Variants in ME1 observed in about 807,000 individuals in gnomAD.
ME1 encodes the protein malic enzyme 1.
In ME1, 74 loss-of-function variants were observed where a neutral mutation model predicts 66.4. The observed-to-expected ratio is 1.11, with a 90% CI of 0.92 to 1.35. The LOEUF is 1.35. Ranked by LOEUF, ME1 falls within the 40% of genes most tolerant of loss-of-function variation. The pLI is 0.00. For synonymous variants in ME1, 251 were observed against 235.6 expected, an observed-to-expected ratio of 1.07 and a Z score of -0.60; for missense variants, 750 against 694.1, an observed-to-expected ratio of 1.08 and a Z score of -0.90.
At chr6:83,387,234 G>C (rs1012862197) in intron 3 of ME1, among the ~76,000 whole-genome samples, 6 of 151,996 alleles carry the variant, frequency 3.9e-5, no homozygotes, top group African/African-American at 1.5e-4. Context: ...TTTAAAACTA[G>C]AGAAAATTTA....
Position 83,356,354 on chromosome 6 carries a change from A to G in ME1, c.363-4215T>C, listed in dbSNP as rs148399931. ...TTAGTGAGCCCTGTGAGTTAAGCCAACGCTGAGTTATATACCAAAGATCTG... is the reference window on the plus strand; with the variant it reads ...TTAGTGAGCCCTGTGAGTTAAGCCAGCGCTGAGTTATATACCAAAGATCTG... On this transcript the variant is annotated intron_variant, in intron 3 of 13. Coordinates refer to ENST00000369705, the MANE Select transcript of ME1 (RefSeq NM_002395.6). 3.3e-5 allele frequency among the ~76,000 whole-genome samples: 5 copies of G among 152,280 alleles called. No homozygotes were observed. The East Asian group carries it at 5.8e-4, about 18-fold the overall frequency.
rs919177162 is a variant in ME1 at position 83,211,667 on chromosome 6, G to A, written c.*257C>T. The stretch of plus-strand genomic sequence containing the variant: ...AAAATGATGAGTTTCTCCGTAGTAC[G>A]TACAACAGCTTTTAAAGAGAACGTA... On this transcript the variant is annotated 3_prime_UTR_variant, in exon 14 of 14. Coordinates refer to ENST00000369705, the MANE Select transcript of ME1 (RefSeq NM_002395.6). 2.3e-5 allele frequency: 6 copies of A among 260,594 alleles called. No homozygotes were observed. The highest frequency in any genetic ancestry group is 7.0e-5 in the East Asian group (1 of 14,226). 16.1% of individuals were successfully genotyped at this position (260,594 alleles called of 1,614,324 possible).
intron 9 of ME1, among the ~76,000 whole-genome samples, chr6:83,231,921 A>T (rs1477640280): frequency 1.3e-5 from 2 of 151,884 alleles, no homozygotes; most frequent in Non-Finnish European, 2.9e-5. Context: ...TATTACTTTA[A>T]TCTCCCCTAT....
chr6:83,234,412 T>A (rs1258187891), intron 9 of ME1, among the ~76,000 whole-genome samples: 2 of 152,140 alleles, frequency 1.3e-5, no homozygotes, highest in East Asian at 1.9e-4. Context: ...GACATCTCTG[T>A]CTGAGGTCTC....
At chr6:83,281,338 A>T (rs780779065) in intron 6 of ME1, among the ~76,000 whole-genome samples, 17 of 152,240 alleles carry the variant, frequency 1.1e-4, no homozygotes, top group Non-Finnish European at 1.9e-4. Context: ...AAAAACAACA[A>T]TTACTACTAA....
intron 5 of ME1, among the ~76,000 whole-genome samples, chr6:83,328,040 A>G (rs555539093): frequency 3.0e-4 from 45 of 152,364 alleles, no homozygotes; most frequent in Admixed American, 2.6e-3. Flanking sequence ...AGCACTGTTC[A>G]CAACAGCAAA....
intron 1 of ME1, among the ~76,000 whole-genome samples, chr6:83,425,095 C>A (rs1489556261): frequency 1.3e-5 from 2 of 152,096 alleles, no homozygotes; most frequent in East Asian, 3.9e-4. Context: ...CTCACTGTGG[C>A]CTCCCACCTC....
intron 3 of ME1, among the ~76,000 whole-genome samples, chr6:83,386,101 A>G (rs1234695290): frequency 2.6e-5 from 4 of 151,954 alleles, no homozygotes; most frequent in Non-Finnish European, 4.4e-5. Flanking sequence ...GTTTCAAGGG[A>G]AATGAAATAA....
At chr6:83,253,879 TATA>T in intron 6 of ME1, 141 bp from the exon 7 acceptor site, 1 of 522,258 alleles carries the variant, frequency 1.9e-6, no homozygotes, top group East Asian at 2.9e-5. Flanking sequence ...AAATATGTAA[TATA>T]ATATCTGTTC....
chr6:83,352,420 A>G (rs1768819972), intron 3 of ME1, among the ~76,000 whole-genome samples: 2 of 152,170 alleles, frequency 1.3e-5, no homozygotes, highest in African/African-American at 4.8e-5. Flanking sequence ...ATTTTTATGT[A>G]CAGAGAATTT....
At chr6:83,404,263 T>C (rs1410400987) in intron 2 of ME1, among the ~76,000 whole-genome samples, 1 of 140,002 alleles carries the variant, frequency 7.1e-6, no homozygotes, top group East Asian at 2.0e-4. Context: ...CCAGTGATGA[T>C]GAGTTTTTTT....
chr6:83,286,567 T>G lies in ME1; in HGVS notation c.704+28743A>C, dbSNP rs76071523. On this transcript the variant is annotated intron_variant, in intron 6 of 13. Transcript: ENST00000369705. Reference sequence around the variant, plus strand: ...ATATTGAGAAACAATGAGTTCAAATTAAGTTACCTTCTCATAATATCTAAA... The same window carrying G: ...ATATTGAGAAACAATGAGTTCAAATGAAGTTACCTTCTCATAATATCTAAA... Among the ~76,000 whole-genome samples the G allele has an allele frequency of 4.2e-3, 643 of 152,264 alleles. 3 individuals are homozygous for G. Among genetic ancestry groups the G allele is most frequent in the African/African-American group, 0.015 (604 of 41,576 alleles).
At chr6:83,354,035 C>T (rs1768843862) in intron 3 of ME1, among the ~76,000 whole-genome samples, 1 of 152,154 alleles carries the variant, frequency 6.6e-6, no homozygotes, top group South Asian at 2.1e-4. Context: ...GCTGCCTCCT[C>T]CTCCTCTCTG....
intron 3 of ME1, among the ~76,000 whole-genome samples, chr6:83,377,357 C>G (rs1430833269): frequency 2.0e-5 from 3 of 151,984 alleles, no homozygotes; most frequent in Non-Finnish European, 4.4e-5. Flanking sequence ...TGGCACATGA[C>G]TTGGAAACAG....
chr6:83,275,784 T>C (rs1767169247), intron 6 of ME1, among the ~76,000 whole-genome samples: 1 of 117,766 alleles, frequency 8.5e-6, no homozygotes, highest in Non-Finnish European at 1.8e-5. Flanking sequence ...TTTTTTTTTT[T>C]TTTTTTGTGA....
chr6:83,283,442 G>A (rs2128533521), intron 6 of ME1, among the ~76,000 whole-genome samples: 1 of 151,750 alleles, frequency 6.6e-6, no homozygotes, highest in East Asian at 1.9e-4. Context: ...GAAAGGAGAG[G>A]GAGAGCATTA....
chr6:83,280,882 C>A (rs1227808155), intron 6 of ME1, among the ~76,000 whole-genome samples: 1 of 152,096 alleles, frequency 6.6e-6, no homozygotes, highest in Non-Finnish European at 1.5e-5. Flanking sequence ...GGCAAATAGT[C>A]AATATTTGTT....
intron 6 of ME1, among the ~76,000 whole-genome samples, chr6:83,280,488 A>G: frequency 6.6e-6 from 1 of 152,196 alleles, no homozygotes; most frequent in Non-Finnish European, 1.5e-5. Context: ...CAAGTATATA[A>G]TTGATAGGCT....
chr6:83,266,725 C>T (rs1433247469), intron 6 of ME1, among the ~76,000 whole-genome samples: 1 of 152,146 alleles, frequency 6.6e-6, no homozygotes, highest in African/African-American at 2.4e-5. Context: ...TCCATTGGCA[C>T]CGGTATGGGT....
Sources: allele counts gnomAD v4.1 joint callset (sites outside exome capture counted in the v4.1 genomes callset), GRCh38; gene constraint gnomAD v4.1.1; transcripts MANE v1.5; gene names NCBI Gene and HGNC (gene_info 2026-07-23, HGNC 2026-07-21).